The following ARHGAP28 variants were observed in gnomAD, a reference collection of about 807,000 sequenced individuals.
The protein encoded by ARHGAP28 is Rho GTPase activating protein 28, also known as rho GTPase-activating protein 28.
In ARHGAP28, 56 loss-of-function variants were observed where a neutral mutation model predicts 90.7. The observed-to-expected ratio is 0.62, with a 90% CI of 0.50 to 0.77. The LOEUF (loss-of-function observed/expected upper bound fraction) is 0.77, where lower values mean the gene tolerates loss of function less well. ARHGAP28 is among the 30% of genes least tolerant of loss of function. The pLI is 0.00. For synonymous variants in ARHGAP28, 308 were observed against 323.3 expected, an observed-to-expected ratio of 0.95 and a Z score of 0.51; for missense variants, 869 against 900.9, an observed-to-expected ratio of 0.96 and a Z score of 0.45.
chr18:6,768,346 A>G (rs1423472671), intron 1 of ARHGAP28, among the ~76,000 whole-genome samples: 3 of 151,804 alleles, frequency 2.0e-5, no homozygotes, highest in Non-Finnish European at 2.9e-5. Context: ...CTGGACTGTT[A>G]TTTTGTTGTT....
chr18:6,883,352 C>T (rs1441393678), intron 11 of ARHGAP28, among the ~76,000 whole-genome samples: 3 of 151,946 alleles, frequency 2.0e-5, no homozygotes, highest in Non-Finnish European at 2.9e-5. Context: ...GATTCTCCTG[C>T]CTCAGCCTCC....
intron 3 of ARHGAP28, among the ~76,000 whole-genome samples, chr18:6,850,471 G>T (rs550349933): frequency 1.3e-5 from 2 of 152,318 alleles, no homozygotes; most frequent in South Asian, 4.1e-4. Context: ...GGCAAAGGCT[G>T]GTATGGCTGC....
Position 6,870,611 on chromosome 18 carries a change from A to G in ARHGAP28, c.833A>G (p.Asn278Ser), listed in dbSNP as rs1408505672. 4 of 1,612,106 alleles carry G rather than the reference A, an allele frequency of 2.5e-6. No homozygotes were observed. The highest frequency in any genetic ancestry group is 3.4e-6 in the Non-Finnish European group (4 of 1,179,006). Residue 278 changes from asparagine (N) to serine (S), a missense_variant, in exon 7 of 18, where the codon AAC (asparagine) becomes AGC (serine). Transcript: ENST00000383472. ...AISDDDFLEK[N>S]IPPEAEELSF... ...TTAGATGATGATTTTCTGGAAAAGA[A>G]CATTCCACCAGAGGCTGAAGAGCTG... is the stretch of plus-strand genomic sequence containing the variant.
chr18:6,808,817 G>A (rs1305112531), intron 1 of ARHGAP28, among the ~76,000 whole-genome samples: 1 of 152,234 alleles, frequency 6.6e-6, no homozygotes, highest in Non-Finnish European at 1.5e-5. Context: ...TGTATGAGCA[G>A]TGGGAACTTT....
intron 1 of ARHGAP28, among the ~76,000 whole-genome samples, chr18:6,816,752 A>G (rs932743105): frequency 3.9e-5 from 6 of 152,170 alleles, no homozygotes; most frequent in Non-Finnish European, 8.8e-5. Context: ...AGACCAAGAC[A>G]TGGGGTTAGG....
chr18:6,877,145 G>A (rs540251392), intron 10 of ARHGAP28, among the ~76,000 whole-genome samples: 1 of 152,312 alleles, frequency 6.6e-6, no homozygotes, highest in East Asian at 1.9e-4. Context: ...TACATGCTTT[G>A]GGAAATTCTA....
At chr18:6,841,179 T>TCC (rs776210100) in intron 3 of ARHGAP28, among the ~76,000 whole-genome samples, 4 of 67,326 alleles carry the variant, frequency 5.9e-5, no homozygotes, top group African/African-American at 8.2e-5. Flanking sequence ...TCTCTCTCTC[T>TCC]CCTCTCTCTC....
intron 2 of ARHGAP28, among the ~76,000 whole-genome samples, chr18:6,827,567 C>CG (rs1228373375): frequency 1.5e-5 from 2 of 135,714 alleles, no homozygotes; most frequent in African/African-American, 2.8e-5. Context: ...CCCTCCCGGA[C>CG]GGGGCGACTG....
intron 5 of ARHGAP28, among the ~76,000 whole-genome samples, chr18:6,864,852 AT>A (rs201032412): frequency 8.0e-5 from 12 of 149,534 alleles, no homozygotes; most frequent in Admixed American, 1.3e-4. Flanking sequence ...GCCCAGCTAA[AT>A]TTTTTTTTTT....
intron 5 of ARHGAP28, among the ~76,000 whole-genome samples, chr18:6,861,305 T>A (rs1024006951): frequency 6.6e-6 from 1 of 152,230 alleles, no homozygotes; most frequent in African/African-American, 2.4e-5. Flanking sequence ...AAAATCTTTC[T>A]GCTCCCCTCC....
intron 16 of ARHGAP28, among the ~76,000 whole-genome samples, chr18:6,901,765 G>T (rs1048063766): frequency 6.6e-5 from 10 of 152,228 alleles, no homozygotes; most frequent in African/African-American, 1.9e-4. Context: ...TAGTTTCCCA[G>T]TGCTGCCATA....
At chr18:6,880,264 A>G (rs1036082579) in intron 10 of ARHGAP28, among the ~76,000 whole-genome samples, 3 of 152,114 alleles carry the variant, frequency 2.0e-5, no homozygotes, top group Admixed American at 2.0e-4. Context: ...TATTCAATCC[A>G]TCACTGATTC....
intron 1 of ARHGAP28, among the ~76,000 whole-genome samples, chr18:6,795,182 G>A (rs2056432913): frequency 6.6e-6 from 1 of 152,160 alleles, no homozygotes; most frequent in African/African-American, 2.4e-5. Context: ...CTCTGAGGGA[G>A]TGGATCTTTA....
At position 6,811,328 on chromosome 18, in the gene ARHGAP28, A is replaced by G. The variant is rs115533911; in HGVS notation, c.123-13434A>G. ...ACATTATTAATAACTAATTTGGTAGACTGGAGAGAAGAAAAGGCTGAAGAA... is the reference window on the plus strand; with the variant it reads ...ACATTATTAATAACTAATTTGGTAGGCTGGAGAGAAGAAAAGGCTGAAGAA... On this transcript the variant is annotated intron_variant, in intron 1 of 17. Coordinates refer to ENST00000383472, the MANE Select transcript of ARHGAP28 (RefSeq NM_001366230.1). Among the ~76,000 whole-genome samples, 816 of 152,314 alleles carry G rather than the reference A, an allele frequency of 5.4e-3. 9 individuals carry two copies. Among genetic ancestry groups the G allele is most frequent in the African/African-American group, 0.019 (789 of 41,574 alleles).
chr18:6,906,782 C>G (rs1001133920), intron 16 of ARHGAP28, among the ~76,000 whole-genome samples: 1 of 152,048 alleles, frequency 6.6e-6, no homozygotes, highest in African/African-American at 2.4e-5. Flanking sequence ...GATAAATTGA[C>G]CTCACCAAAA....
chr18:6,840,022 C>A (rs1047643118), intron 3 of ARHGAP28, among the ~76,000 whole-genome samples: 1 of 152,170 alleles, frequency 6.6e-6, no homozygotes, highest in Non-Finnish European at 1.5e-5. Context: ...CTGGGATACC[C>A]TTCTGTTCTG....
At chr18:6,773,617 T>A (rs984096957) in intron 1 of ARHGAP28, among the ~76,000 whole-genome samples, 1 of 152,178 alleles carries the variant, frequency 6.6e-6, no homozygotes, top group African/African-American at 2.4e-5. Flanking sequence ...CTTCTGACCA[T>A]AAGTTGCGTG....
At position 6,730,221 on chromosome 18, in the gene ARHGAP28, G is replaced by GTATGTATGTATATATATA. The variant is rs1555621918; in HGVS notation, c.122+281_122+282insGTATGTATATATATATAT. 12 of 175,082 alleles carry GTATGTATGTATATATATA rather than the reference G, an allele frequency of 6.9e-5. No homozygotes were observed. The East Asian group carries it at 1.1e-3, about 16-fold the overall frequency. The allele number at this position is 175,082 out of a possible 1,614,324, so 10.8% of individuals were successfully genotyped here. On this transcript the variant is annotated intron_variant, in intron 1 of 17. Transcript: ENST00000383472. ...GATACGATTTGAGGATAAGTCATGTGTATATATATATATATACCTCATTTC... is the reference window on the plus strand; with the variant it reads ...GATACGATTTGAGGATAAGTCATGTGTATGTATGTATATATATATATATATATATATATACCTCATTTC...
At chr18:6,874,389 T>C (rs540660802) in intron 9 of ARHGAP28, among the ~76,000 whole-genome samples, 228 of 152,224 alleles carry the variant, frequency 1.5e-3, no homozygotes, top group Non-Finnish European at 2.7e-3. Context: ...ATCTGAACTA[T>C]AAAATGCTAA....
Sources: allele counts gnomAD v4.1 joint callset (sites outside exome capture counted in the v4.1 genomes callset), GRCh38; gene constraint gnomAD v4.1.1; transcripts MANE v1.5; gene names NCBI Gene and HGNC (gene_info 2026-07-23, HGNC 2026-07-21).